TTLL5: variants seen among roughly 807,000 people sequenced by gnomAD.
TTLL5 encodes the protein tubulin tyrosine ligase like 5, also known as tubulin polyglutamylase TTLL5.
TTLL5 carries 132 observed loss-of-function variants against 168.4 expected under a neutral mutation model. That is an observed-to-expected ratio of 0.78 (90% CI 0.68 to 0.91). The LOEUF is 0.91. Among genes scored for constraint, TTLL5 ranks in the 40% least tolerant of loss-of-function variants. TTLL5 has a pLI of 0.00. For synonymous variants in TTLL5, 546 were observed against 558.6 expected, an observed-to-expected ratio of 0.98 and a Z score of 0.32; for missense variants, 1,545 against 1,581.5, an observed-to-expected ratio of 0.98 and a Z score of 0.39.
intron 3 of TTLL5, among the ~76,000 whole-genome samples, 169 bp downstream of exon 3, chr14:75,669,691 GTTT>G (rs916824016): frequency 1.3e-5 from 2 of 150,556 alleles, no homozygotes; most frequent in African/African-American, 2.4e-5. Context: ...TTCTGCTTAT[GTTT>G]TTCCTCTGAT....
intron 30 of TTLL5, among the ~76,000 whole-genome samples, chr14:75,895,224 T>G (rs2032595859): frequency 6.6e-6 from 1 of 152,226 alleles, no homozygotes; most frequent in East Asian, 1.9e-4. Context: ...TATATGTATG[T>G]GTGTATGTGC....
chr14:75,868,203 G>A (rs1034272542), intron 29 of TTLL5, among the ~76,000 whole-genome samples: 3 of 152,026 alleles, frequency 2.0e-5, no homozygotes, highest in African/African-American at 7.3e-5. Context: ...TCTCTTCTCT[G>A]CCTCATCCAC....
chr14:75,894,051 A>G (rs2032537121), intron 30 of TTLL5, among the ~76,000 whole-genome samples: 1 of 152,198 alleles, frequency 6.6e-6, no homozygotes, highest in South Asian at 2.1e-4. Context: ...AACCATTTAG[A>G]GATAACAAAG....
intron 28 of TTLL5, among the ~76,000 whole-genome samples, chr14:75,862,487 C>T (rs1202745615): frequency 4.6e-5 from 7 of 152,180 alleles, no homozygotes; most frequent in African/African-American, 1.4e-4. Flanking sequence ...CTCAGCGACC[C>T]TTGTTATCGT....
intron 31 of TTLL5, among the ~76,000 whole-genome samples, chr14:75,909,878 G>A (rs1252009027): frequency 6.6e-6 from 1 of 152,250 alleles, no homozygotes; most frequent in Non-Finnish European, 1.5e-5. Flanking sequence ...TGAAGTGCAT[G>A]CGTTCCTGTC....
At chr14:75,901,458 T>C (rs1299434770) in intron 30 of TTLL5, among the ~76,000 whole-genome samples, 4 of 152,246 alleles carry the variant, frequency 2.6e-5, no homozygotes, top group African/African-American at 9.6e-5. Context: ...TACTCTGTCA[T>C]ATCTCTTGTC....
chr14:75,724,589 G>A (rs955872765), intron 12 of TTLL5, among the ~76,000 whole-genome samples: 27 of 152,182 alleles, frequency 1.8e-4, no homozygotes, highest in African/African-American at 5.8e-4. Context: ...CCTGAGAAAT[G>A]AACTCTATGT....
chr14:75,748,749 G>A (rs149261096), intron 17 of TTLL5, among the ~76,000 whole-genome samples: 3 of 152,330 alleles, frequency 2.0e-5, no homozygotes, highest in African/African-American at 4.8e-5. Context: ...CTGTTGATCT[G>A]TATCTTCTCC....
intron 18 of TTLL5, among the ~76,000 whole-genome samples, chr14:75,763,802 T>C (rs1890806576): frequency 6.6e-6 from 1 of 152,200 alleles, no homozygotes; most frequent in South Asian, 2.1e-4. Flanking sequence ...ATGCCTAATG[T>C]AGCTGGTGCC....
intron 18 of TTLL5, among the ~76,000 whole-genome samples, chr14:75,754,028 C>G (rs1412567769): frequency 6.6e-6 from 1 of 152,038 alleles, no homozygotes; most frequent in Non-Finnish European, 1.5e-5. Flanking sequence ...TATTTCTTTA[C>G]TGTTTTTAAA....
chr14:75,834,936 C>T (rs558681199), intron 28 of TTLL5, among the ~76,000 whole-genome samples: 1 of 152,054 alleles, frequency 6.6e-6, no homozygotes, highest in Non-Finnish European at 1.5e-5. Context: ...GGCATGGTAG[C>T]ATGTGCCTGT....
intron 5 of TTLL5, among the ~76,000 whole-genome samples, chr14:75,687,515 C>G (rs1032697793): frequency 1.5e-4 from 23 of 152,026 alleles, no homozygotes; most frequent in Non-Finnish European, 3.2e-4. Context: ...CTCAAATGAT[C>G]CACCTGCCTC....
chr14:75,890,751 G>T (rs1038994116), intron 30 of TTLL5, among the ~76,000 whole-genome samples: 1 of 151,816 alleles, frequency 6.6e-6, no homozygotes, highest in African/African-American at 2.4e-5. Flanking sequence ...ATGGAGTCTC[G>T]CCGTGTCACC....
At chr14:75,709,265 C>T in intron 9 of TTLL5, 1 of 750,570 alleles carries the variant, frequency 1.3e-6, no homozygotes, top group Non-Finnish European at 2.4e-6. Flanking sequence ...TTATTGTACT[C>T]TGACAACTAT....
chr14:75,762,299 G>C (rs990785664), intron 18 of TTLL5, among the ~76,000 whole-genome samples: 2 of 152,156 alleles, frequency 1.3e-5, no homozygotes, highest in African/African-American at 4.8e-5. Context: ...GGAGGCTGAG[G>C]CAGGAGAATT....
chr14:75,815,034 A>G (rs1234661394), intron 27 of TTLL5, among the ~76,000 whole-genome samples: 3 of 152,170 alleles, frequency 2.0e-5, no homozygotes, highest in African/African-American at 7.2e-5. Flanking sequence ...GGCTACTTGG[A>G]GAAATGTGTA....
intron 12 of TTLL5, among the ~76,000 whole-genome samples, chr14:75,723,309 A>G (rs1033548111): frequency 2.0e-5 from 3 of 152,126 alleles, no homozygotes; most frequent in African/African-American, 7.2e-5. Flanking sequence ...TCTTGAATGA[A>G]TGATTGGCAC....
intron 31 of TTLL5, among the ~76,000 whole-genome samples, chr14:75,926,107 AG>A (rs2034053932): frequency 1.3e-4 from 17 of 131,792 alleles, no homozygotes; most frequent in African/African-American, 5.0e-4. Flanking sequence ...AGGGAGAGGG[AG>A]AGGGAGAACT....
chr14:75,773,952 AGAGAAAGAGAGAG>A, intron 21 of TTLL5, among the ~76,000 whole-genome samples: 1 of 39,124 alleles, frequency 2.6e-5, no homozygotes, highest in East Asian at 5.4e-4. Flanking sequence ...AGAGAGAGAG[AGAGAAAGAGAGAG>A]AGAGAGAGAG....
Sources: allele counts gnomAD v4.1 joint callset (sites outside exome capture counted in the v4.1 genomes callset), GRCh38; gene constraint gnomAD v4.1.1; transcripts MANE v1.5; gene names NCBI Gene and HGNC (gene_info 2026-07-23, HGNC 2026-07-21).